Variants in TRPM6 observed in about 807,000 individuals in gnomAD.
TRPM6 encodes transient receptor potential cation channel subfamily M member 6, also known as channel kinase 2.
TRPM6 carries 111 observed loss-of-function variants against 247.6 expected under a neutral mutation model. That is an observed-to-expected ratio of 0.45 (90% confidence interval 0.38 to 0.52). The LOEUF (loss-of-function observed/expected upper bound fraction) is 0.52. Among genes scored for constraint, TRPM6 ranks in the 20% least tolerant of loss-of-function variants. TRPM6 has a pLI of 0.00. For synonymous variants in TRPM6, 892 were observed against 853.8 expected (o/e 1.04, Z -0.78); for missense variants, 2,126 against 2,421.5 (o/e 0.88, Z 2.56).
chr9:74,761,918 C>T (rs1826651464), intron 26 of TRPM6, 81 bp downstream of exon 26: 1 of 1,539,640 alleles, frequency 6.5e-7, no homozygotes, highest in East Asian at 2.3e-5. Context: ...TTAAGAGTCA[C>T]AGATTTAAAA....
chr9:74,830,192 T>G (rs942532401), intron 6 of TRPM6, among the ~76,000 whole-genome samples: 1 of 151,844 alleles, frequency 6.6e-6, no homozygotes, highest in South Asian at 2.1e-4. Context: ...TGCTTGAAAA[T>G]GTACAAAAAC....
chr9:74,859,204 C>A (rs1285568415), intron 1 of TRPM6, among the ~76,000 whole-genome samples: 2 of 152,090 alleles, frequency 1.3e-5, no homozygotes, highest in African/African-American at 4.8e-5. Flanking sequence ...TGTGACTCAG[C>A]AAGATTCGAT....
intron 3 of TRPM6, among the ~76,000 whole-genome samples, chr9:74,850,994 G>C (rs1282019156): frequency 6.6e-6 from 1 of 152,178 alleles, no homozygotes; most frequent in Non-Finnish European, 1.5e-5. Flanking sequence ...ACCTCATCTG[G>C]AGAGATAACT....
At chr9:74,726,360 A>G (rs1258086531) in intron 38 of TRPM6, among the ~76,000 whole-genome samples, 1 of 152,102 alleles carries the variant, frequency 6.6e-6, no homozygotes, top group African/African-American at 2.4e-5. Context: ...AAATACAAAA[A>G]TTAGCTGGGC....
chr9:74,864,557 G>C (rs1830786243), intron 1 of TRPM6, among the ~76,000 whole-genome samples: 1 of 152,190 alleles, frequency 6.6e-6, no homozygotes, highest in Non-Finnish European at 1.5e-5. Context: ...TAAATAGTCT[G>C]TCCAGGAGGC....
In TRPM6 at chr9:74,865,322, G is replaced by A. The variant is rs186001174; in HGVS notation, c.34-6574C>T. ...CAAAACCCAATTTCAAAATAGCAGC[G>A]AAAGACATCCTTTTCCTCAGTTGTC... On this transcript the variant is annotated intron_variant, in intron 1 of 38. Transcript: ENST00000360774. Among the ~76,000 whole-genome samples, 583 of 152,232 alleles carry A rather than the reference G, an allele frequency of 3.8e-3. 1 individual carries two copies. The highest frequency in any genetic ancestry group is 6.8e-3 in the Middle Eastern group (2 of 294).
At chr9:74,871,681 G>C (rs1025099672) in intron 1 of TRPM6, among the ~76,000 whole-genome samples, 4 of 151,966 alleles carry the variant, frequency 2.6e-5, no homozygotes, top group Non-Finnish European at 5.9e-5. Flanking sequence ...CCATAGAGAG[G>C]TACCAATTTA....
intron 1 of TRPM6, chr9:74,887,463 G>A (rs1322482210): frequency 2.9e-6 from 3 of 1,021,984 alleles, no homozygotes; most frequent in Admixed American, 3.2e-5. Context: ...CTCTCCCTCC[G>A]GCCCGGAGCG....
intron 29 of TRPM6, among the ~76,000 whole-genome samples, chr9:74,751,902 A>G (rs1280706711): frequency 2.0e-5 from 3 of 152,200 alleles, no homozygotes; most frequent in African/African-American, 7.2e-5. Flanking sequence ...AGTAGCTTCT[A>G]TATGTTGATT....
intron 28 of TRPM6, 46 bp from the exon 29 acceptor site, chr9:74,752,414 T>G: frequency 9.3e-7 from 1 of 1,078,104 alleles, no homozygotes; most frequent in Non-Finnish European, 1.4e-6. Context: ...GAAAATGTGT[T>G]ACATTCAAAT....
intron 30 of TRPM6, among the ~76,000 whole-genome samples, chr9:74,749,839 T>C (rs1262962636): frequency 6.6e-6 from 1 of 152,082 alleles, no homozygotes; most frequent in Admixed American, 6.6e-5. Context: ...TTGCACAGGG[T>C]CCATGATGGG....
intron 1 of TRPM6, among the ~76,000 whole-genome samples, chr9:74,860,419 C>T (rs1016881256): frequency 1.3e-5 from 2 of 152,002 alleles, no homozygotes; most frequent in African/African-American, 2.4e-5. Flanking sequence ...TGCAATCTGG[C>T]GCAATCTCGG....
At chr9:74,781,536 CAAAAAAAA>C (rs35938872) in intron 23 of TRPM6, among the ~76,000 whole-genome samples, 1 of 93,556 alleles carries the variant, frequency 1.1e-5, no homozygotes, top group Non-Finnish European at 2.0e-5. Context: ...GACTCTATCT[CAAAAAAAA>C]AAAAAAAAAG....
chr9:74,846,250 G>T (rs1830103439), intron 3 of TRPM6, among the ~76,000 whole-genome samples: 1 of 152,092 alleles, frequency 6.6e-6, no homozygotes, highest in African/African-American at 2.4e-5. Flanking sequence ...GTCAATTTAT[G>T]GCCCAGTACA....
At chr9:74,845,092 G>A (rs1342842398) in intron 3 of TRPM6, among the ~76,000 whole-genome samples, 4 of 152,088 alleles carry the variant, frequency 2.6e-5, no homozygotes, top group Non-Finnish European at 4.4e-5. Flanking sequence ...ATCAAAGATC[G>A]CCGATTAAAG....
intron 35 of TRPM6, 120 bp downstream of exon 35, chr9:74,739,247 C>A: frequency 9.9e-7 from 1 of 1,010,248 alleles, no homozygotes; most frequent in Non-Finnish European, 1.6e-6. Flanking sequence ...AAGGAAGAAT[C>A]CAAAAATAAG....
intron 20 of TRPM6, among the ~76,000 whole-genome samples, chr9:74,787,227 C>T (rs972892225): frequency 6.6e-6 from 1 of 151,822 alleles, no homozygotes; most frequent in African/African-American, 2.4e-5. Flanking sequence ...CCCAGCTACT[C>T]CGGAGGCTAA....
At chr9:74,808,935 C>T (rs1172233166) in intron 13 of TRPM6, among the ~76,000 whole-genome samples, 6 of 152,178 alleles carry the variant, frequency 3.9e-5, no homozygotes, top group Admixed American at 3.9e-4. Context: ...CTATAATCCA[C>T]TTTGCCTATG....
chr9:74,816,140 G>C lies in TRPM6; in HGVS notation c.1308+529C>G, dbSNP rs974583491. ...GACCAAGGTAGCAAGATCATTTGAGGCCAGGAGTTCAAGACCAGCCTGGGC... is the reference window on the plus strand; with the variant it reads ...GACCAAGGTAGCAAGATCATTTGAGCCCAGGAGTTCAAGACCAGCCTGGGC... On this transcript the variant is annotated intron_variant, in intron 11 of 38. Transcript: ENST00000360774. Among the ~76,000 whole-genome samples the C allele has an allele frequency of 8.5e-5, 13 of 152,272 alleles. No homozygotes were observed. The South Asian group carries it at 2.1e-3, about 24-fold the overall frequency.
Sources: gnomAD v4.1 joint callset for allele counts (sites outside exome capture counted in the v4.1 genomes callset) on GRCh38, gnomAD v4.1.1 for gene constraint, MANE v1.5 for transcripts, NCBI Gene and HGNC (gene_info 2026-07-23, HGNC 2026-07-21) for gene names.